PPM1L: variants seen among roughly 807,000 people sequenced by gnomAD.
PPM1L encodes the protein protein phosphatase, Mg2+/Mn2+ dependent 1L, also known as protein phosphatase 1L.
A neutral mutation model predicts 31.4 loss-of-function variants in PPM1L; 13 were observed. That is an observed-to-expected ratio of 0.41 (90% CI 0.27 to 0.66). The LOEUF (loss-of-function observed/expected upper bound fraction) is 0.66. Ranked by LOEUF, PPM1L falls within the 30% of genes least tolerant of loss-of-function variation. The pLI is 0.29. For missense variants in PPM1L, 326 were observed against 453.7 expected, an observed-to-expected ratio of 0.72 and a Z score of 2.56; for synonymous variants, 184 against 175.4, an observed-to-expected ratio of 1.05 and a Z score of -0.39.
At chr3:160,835,039 A>ACGTCTTCTTCTTCTTCTTCTTCTT (rs1713657124) in intron 1 of PPM1L, among the ~76,000 whole-genome samples, 1 of 131,754 alleles carries the variant, frequency 7.6e-6, no homozygotes, top group Admixed American at 7.5e-5. Context: ...TACTACTACT[A>ACGTCTTCTTCTTCTTCTTCTTCTT]CTTCTTCTTC....
At chr3:161,013,105 A>C (rs553830925) in intron 2 of PPM1L, among the ~76,000 whole-genome samples, 2,816 of 152,020 alleles carry the variant, frequency 0.019, 88 homozygotes, top group African/African-American at 0.065. Flanking sequence ...AGTTCTTTTA[A>C]TTGTGATGTT....
At chr3:161,037,406 C>T (rs1337702894) in intron 2 of PPM1L, among the ~76,000 whole-genome samples, 3 of 131,846 alleles carry the variant, frequency 2.3e-5, no homozygotes, top group South Asian at 2.5e-4. Context: ...CCCTCCCCTA[C>T]TTGAGCTTTT....
intron 2 of PPM1L, among the ~76,000 whole-genome samples, chr3:160,984,876 G>A (rs756212701): frequency 6.6e-6 from 1 of 152,180 alleles, no homozygotes; most frequent in Non-Finnish European, 1.5e-5. Flanking sequence ...ATGTTGGGAG[G>A]CATTTTTAGT....
In PPM1L at chr3:160,756,453, G is replaced by A. The variant is rs1307268070; in HGVS notation, c.145G>A (p.Val49Met). The A allele has an allele frequency of 6.2e-7, 1 of 1,614,208 alleles. No homozygotes were observed. Among genetic ancestry groups the A allele is most frequent in the Non-Finnish European group, 8.5e-7 (1 of 1,180,042 alleles). Residue 49 changes from valine to methionine, a missense_variant, in exon 1 of 4, where the codon GTG becomes ATG. Coordinates refer to ENST00000498165, the MANE Select transcript of PPM1L (RefSeq NM_139245.4). This position sits in a 1 kb window ranked among gnomAD's most constrained non-coding sequence, Gnocchi z 6.2. ...CCACACCGACGAGGTGAAGACCATC[G>A]TGAAGTCCAGCCGGGACGCCGTGAA... ...FFHTDEVKTI[V>M]KSSRDAVKMV...
intron 1 of PPM1L, among the ~76,000 whole-genome samples, chr3:160,789,887 A>C (rs1712050403): frequency 6.6e-6 from 1 of 152,082 alleles, no homozygotes; most frequent in Non-Finnish European, 1.5e-5. Context: ...TGGATACCAA[A>C]ATACATGGAT....
At chr3:161,045,202 A>G (rs968643778) in intron 2 of PPM1L, among the ~76,000 whole-genome samples, 19 of 152,344 alleles carry the variant, frequency 1.2e-4, no homozygotes, top group Admixed American at 3.9e-4. Flanking sequence ...TGTCAACATT[A>G]GACAGATCAA....
At chr3:160,967,953 A>G (rs1716208973) in intron 2 of PPM1L, among the ~76,000 whole-genome samples, 1 of 152,032 alleles carries the variant, frequency 6.6e-6, no homozygotes, top group Non-Finnish European at 1.5e-5. Context: ...AATAGCTATA[A>G]TATCTGCAAG....
intron 1 of PPM1L, among the ~76,000 whole-genome samples, chr3:160,854,545 A>G (rs1160467943): frequency 6.6e-6 from 1 of 152,040 alleles, no homozygotes; most frequent in Non-Finnish European, 1.5e-5. Context: ...CTATATACCA[A>G]CAATATCCAA....
chr3:160,781,838 C>T (rs1441036145), intron 1 of PPM1L, among the ~76,000 whole-genome samples: 1 of 152,138 alleles, frequency 6.6e-6, no homozygotes, highest in African/African-American at 2.4e-5. Flanking sequence ...CATGTTCATT[C>T]TGAAACACCC....
chr3:161,007,649 T>C (rs1370527757), intron 2 of PPM1L, among the ~76,000 whole-genome samples: 1 of 152,224 alleles, frequency 6.6e-6, no homozygotes, highest in Non-Finnish European at 1.5e-5. Flanking sequence ...TATTTATTTT[T>C]TTATTTTTAT....
At chr3:160,958,338 T>C (rs1217896871) in intron 1 of PPM1L, among the ~76,000 whole-genome samples, 4 of 152,146 alleles carry the variant, frequency 2.6e-5, no homozygotes, top group African/African-American at 9.7e-5. Context: ...TTTTGTATAT[T>C]GTGTAAGGAA....
At chr3:160,801,128 TACACAC>T (rs10575984) in intron 1 of PPM1L, among the ~76,000 whole-genome samples, 3,914 of 145,550 alleles carry the variant, frequency 0.027, 67 homozygotes, top group African/African-American at 0.046. Context: ...TGTTTAGTGA[TACACAC>T]ACACACACAC....
intron 3 of PPM1L, among the ~76,000 whole-genome samples, chr3:161,068,258 A>C (rs1719799946): frequency 6.6e-6 from 1 of 152,206 alleles, no homozygotes; most frequent in African/African-American, 2.4e-5. Context: ...CCAAAGTGAG[A>C]CATGGTTAGA....
chr3:160,888,776 A>C (rs1163216428), intron 1 of PPM1L, among the ~76,000 whole-genome samples: 1 of 152,206 alleles, frequency 6.6e-6, no homozygotes, highest in African/African-American at 2.4e-5. Flanking sequence ...CATAAGTAAA[A>C]CATTCCTCAG....
At chr3:160,908,081 C>A (rs926771968) in intron 1 of PPM1L, among the ~76,000 whole-genome samples, 1 of 152,088 alleles carries the variant, frequency 6.6e-6, no homozygotes, top group Admixed American at 6.5e-5. Flanking sequence ...TTTTTTAATT[C>A]TTTGTATTGT....
chr3:160,987,939 T>C (rs1283723361), intron 2 of PPM1L, among the ~76,000 whole-genome samples: 1 of 152,248 alleles, frequency 6.6e-6, no homozygotes, highest in Non-Finnish European at 1.5e-5. Context: ...CTTCTGGTCC[T>C]ATCGGCTGTG....
chr3:160,802,799 T>G (rs1407739255), intron 1 of PPM1L, among the ~76,000 whole-genome samples: 2 of 152,158 alleles, frequency 1.3e-5, no homozygotes, highest in Non-Finnish European at 2.9e-5. Context: ...TGGGGCAGAG[T>G]ACTTTTTAAA....
chr3:160,992,586 A>G (rs1469006650), intron 2 of PPM1L, among the ~76,000 whole-genome samples: 2 of 152,238 alleles, frequency 1.3e-5, no homozygotes, highest in African/African-American at 4.8e-5. Flanking sequence ...AATGATGTCA[A>G]AAGCCTTTCT....
chr3:160,811,360 T>C (rs1007137936), intron 1 of PPM1L, among the ~76,000 whole-genome samples: 2 of 152,258 alleles, frequency 1.3e-5, no homozygotes, highest in Non-Finnish European at 2.9e-5. Context: ...TCATTGAGCC[T>C]TGCTTGGATT....
Sources: gnomAD v4.1 joint callset for allele counts (sites outside exome capture counted in the v4.1 genomes callset) on GRCh38, gnomAD v4.1.1 for gene constraint, Gnocchi (gnomAD v3.1) non-coding constraint, MANE v1.5 for transcripts, NCBI Gene and HGNC (gene_info 2026-07-23, HGNC 2026-07-21) for gene names.